Variants in SHANK2 observed in about 807,000 individuals in gnomAD.
SHANK2 encodes SH3 and multiple ankyrin repeat domains protein 2.
A neutral mutation model predicts 133.7 loss-of-function variants in SHANK2; 43 were observed. The observed-to-expected ratio is 0.32, with a 90% confidence interval of 0.25 to 0.41. The LOEUF (loss-of-function observed/expected upper bound fraction) is 0.41, where lower values mean the gene tolerates loss of function less well. Among genes scored for constraint, SHANK2 ranks in the 10% least tolerant of loss-of-function variants. The probability of loss-of-function intolerance (pLI) is 1.00; values close to 1 mark genes in which losing one functional copy is unlikely to be tolerated. For synonymous variants in SHANK2, 1,017 were observed against 952.8 expected, an observed-to-expected ratio of 1.07 and a Z score of -1.24; for missense variants, 1,994 against 2,235.8, an observed-to-expected ratio of 0.89 and a Z score of 2.18.
chr11:71,167,717 G>A (rs1555111300), intron 2 of SHANK2, among the ~76,000 whole-genome samples: 3 of 137,034 alleles, frequency 2.2e-5, no homozygotes, highest in Non-Finnish European at 3.2e-5. Context: ...CGGGCAGAGG[G>A]GCTCCTCACT....
intron 8 of SHANK2, among the ~76,000 whole-genome samples, chr11:71,080,011 A>G (rs916714234): frequency 5.3e-5 from 8 of 151,978 alleles, no homozygotes; most frequent in African/African-American, 1.5e-4. Flanking sequence ...GAAAGCTACC[A>G]AAGTGTTAAA....
intron 2 of SHANK2, among the ~76,000 whole-genome samples, chr11:71,196,340 C>T (rs1953900996): frequency 6.6e-6 from 1 of 152,090 alleles, no homozygotes; most frequent in Non-Finnish European, 1.5e-5. Flanking sequence ...GGCTGGAATG[C>T]AGTGGCATGA....
In SHANK2 at chr11:71,070,767, G is replaced by A. The variant is rs1441216930; in HGVS notation, c.1029+4392C>T. 7.9e-5 allele frequency among the ~76,000 whole-genome samples: 12 copies of A among 152,258 alleles called. 1 individual carries two copies. In the South Asian group the frequency reaches 1.2e-3, roughly 16 times the overall value. ...TTTGCACTACAGTGGCAGTTGAATC[G>A]TTATGACGGAGTCCATGCGACACGC... is the stretch of plus-strand genomic sequence containing the variant. On this transcript the variant is annotated intron_variant, in intron 9 of 25. Coordinates refer to ENST00000601538, the MANE Select transcript of SHANK2 (RefSeq NM_012309.5).
At chr11:71,206,348 T>C (rs1263547543) in intron 2 of SHANK2, among the ~76,000 whole-genome samples, 1 of 152,114 alleles carries the variant, frequency 6.6e-6, no homozygotes, top group Non-Finnish European at 1.5e-5. Flanking sequence ...TCGTGACTGT[T>C]AAACAGCTGT....
chr11:71,147,131 G>T lies in SHANK2; in HGVS notation c.196C>A (p.Leu66Met). The stretch of plus-strand genomic sequence containing the variant: ...ACCACGGGGCTCACCGTCTGCTGCA[G>T]GTCATGGATGACCACGCGGATCACC... ...TLVIRVVIHDLQQTKCIRFNP... is the reference protein window; with the variant it reads ...TLVIRVVIHDMQQTKCIRFNP... The change falls in exon 3 of 26, where the codon CTG becomes ATG. Residue 66 changes from leucine to methionine, a missense_variant. Around this residue, in one of 5 missense-constraint regions of SHANK2, gnomAD observed 653 missense variants for 563.4 expected, o/e 1.16. Coordinates refer to ENST00000601538, the MANE Select transcript of SHANK2 (RefSeq NM_012309.5). The T allele has an allele frequency of 2.6e-6, 4 of 1,548,628 alleles. No homozygotes were observed. The highest frequency in any genetic ancestry group is 3.5e-6 in the Non-Finnish European group (4 of 1,146,700).
intron 12 of SHANK2, among the ~76,000 whole-genome samples, chr11:70,809,671 C>A (rs1948238041): frequency 6.6e-6 from 1 of 152,168 alleles, no homozygotes; most frequent in African/African-American, 2.4e-5. Context: ...CTGTAGGGAG[C>A]AGATTGGGCC....
intron 14 of SHANK2, among the ~76,000 whole-genome samples, chr11:70,732,946 C>G (rs149795347): frequency 6.6e-6 from 1 of 152,240 alleles, no homozygotes; most frequent in Non-Finnish European, 1.5e-5. Context: ...ACACAGCCCG[C>G]GCGAATAGTG....
At chr11:70,546,001 G>T (rs1281854013) in intron 17 of SHANK2, among the ~76,000 whole-genome samples, 1 of 152,126 alleles carries the variant, frequency 6.6e-6, no homozygotes, top group Non-Finnish European at 1.5e-5. Context: ...AGAGAAGCTC[G>T]GGGCAAATGG....
chr11:70,695,576 A>G (rs1398109146), intron 15 of SHANK2, among the ~76,000 whole-genome samples: 6 of 152,158 alleles, frequency 3.9e-5, no homozygotes, highest in Admixed American at 1.3e-4. Context: ...TTTGGGCAGT[A>G]CCATCCTCAC....
intron 10 of SHANK2, chr11:70,933,115 G>A (rs1369830707): frequency 2.2e-6 from 1 of 456,632 alleles, no homozygotes; most frequent in Non-Finnish European, 4.4e-6. Flanking sequence ...GAGCAGCTCA[G>A]TGTCCACCGG....
chr11:71,171,922 G>A (rs1555112269), intron 2 of SHANK2, among the ~76,000 whole-genome samples: 2 of 100,960 alleles, frequency 2.0e-5, no homozygotes, highest in African/African-American at 6.6e-5. Flanking sequence ...AATCTTGATG[G>A]GACACAATCT....
chr11:71,095,495 A>G (rs982293896), intron 6 of SHANK2, among the ~76,000 whole-genome samples: 4 of 152,204 alleles, frequency 2.6e-5, no homozygotes, highest in African/African-American at 9.7e-5. Flanking sequence ...ACGTTCCAGA[A>G]AAGTGCACAG....
intron 4 of SHANK2, among the ~76,000 whole-genome samples, chr11:71,116,619 C>T (rs1167231720): frequency 6.6e-6 from 1 of 152,246 alleles, no homozygotes; most frequent in Non-Finnish European, 1.5e-5. Context: ...CACAGCCGCC[C>T]TGTTACTCAA....
At chr11:70,761,793 G>A (rs1190255834) in intron 14 of SHANK2, among the ~76,000 whole-genome samples, 4 of 152,234 alleles carry the variant, frequency 2.6e-5, no homozygotes, top group Non-Finnish European at 5.9e-5. Flanking sequence ...TTCACGAGTG[G>A]CCCTTGACCT....
chr11:71,173,570 C>T (rs1025283136), intron 2 of SHANK2, among the ~76,000 whole-genome samples: 10 of 152,270 alleles, frequency 6.6e-5, no homozygotes, highest in African/African-American at 1.7e-4. Context: ...AGGACTTCCA[C>T]TGCAACAATT....
At chr11:71,117,000 T>C (rs1337709900) in intron 4 of SHANK2, among the ~76,000 whole-genome samples, 2 of 152,124 alleles carry the variant, frequency 1.3e-5, no homozygotes, top group Non-Finnish European at 2.9e-5. Context: ...ACCTCCTTTC[T>C]CTTAGCCAGC....
chr11:70,943,000 T>C, intron 10 of SHANK2: 1 of 452,602 alleles, frequency 2.2e-6, no homozygotes, highest in Non-Finnish European at 4.4e-6. Flanking sequence ...CATGAACCAT[T>C]CATTGTAATA....
chr11:71,113,170 C>T, intron 5 of SHANK2, 123 bp downstream of exon 5: 1 of 895,786 alleles, frequency 1.1e-6, no homozygotes, highest in Non-Finnish European at 1.8e-6. Flanking sequence ...CCAGCCCAGC[C>T]ACACGCCATG....
At chr11:70,606,586 T>A (rs1216778827) in intron 17 of SHANK2, among the ~76,000 whole-genome samples, 1 of 143,492 alleles carries the variant, frequency 7.0e-6, no homozygotes, top group Non-Finnish European at 1.5e-5. Context: ...AGAGTTTGAA[T>A]CAGCAGGTCC....
Sources: gnomAD v4.1 joint callset for allele counts (sites outside exome capture counted in the v4.1 genomes callset) on GRCh38, gnomAD v4.1.1 for gene constraint, gnomAD v4.1.1 regional missense constraint, MANE v1.5 for transcripts, NCBI Gene and HGNC (gene_info 2026-07-23, HGNC 2026-07-21) for gene names.